OSBPL6: variants seen among roughly 807,000 people sequenced by gnomAD.
OSBPL6 encodes the protein oxysterol-binding protein-related protein 6.
In OSBPL6, 49 loss-of-function variants were observed where a neutral mutation model predicts 125.8. The ratio of observed to expected loss-of-function variants is 0.39; its 90% CI spans 0.31 to 0.49. The LOEUF (loss-of-function observed/expected upper bound fraction) is 0.49, where lower values mean the gene tolerates loss of function less well. Among genes scored for constraint, OSBPL6 ranks in the 20% least tolerant of loss-of-function variants. OSBPL6 has a pLI of 0.88. For missense variants in OSBPL6, 986 were observed against 1,135.4 expected (o/e 0.87, Z 1.89); for synonymous variants, 394 against 391.8 (o/e 1.01, Z -0.07).
At chr2:178,227,647 T>C (rs909312504) in intron 1 of OSBPL6, among the ~76,000 whole-genome samples, 13 of 152,134 alleles carry the variant, frequency 8.5e-5, no homozygotes, top group African/African-American at 2.9e-4. Context: ...AACGGCAACA[T>C]AGATGAATTT....
At chr2:178,240,388 C>T (rs1041099345) in intron 1 of OSBPL6, among the ~76,000 whole-genome samples, 4 of 151,998 alleles carry the variant, frequency 2.6e-5, no homozygotes, top group East Asian at 1.9e-4. Context: ...GCTGACATGG[C>T]GAGACCCCCA....
Position 178,204,040 on chromosome 2 carries a change from T to G in OSBPL6, c.-351+9366T>G, listed in dbSNP as rs531581380. Among the ~76,000 whole-genome samples, 39 of 151,090 alleles carry G rather than the reference T, an allele frequency of 2.6e-4. 1 individual carries two copies. In the East Asian group the frequency reaches 5.0e-3, roughly 19 times the overall value. On this transcript the variant is annotated intron_variant, in intron 1 of 24. Transcript: ENST00000190611. ...TTTTCTTTTTCTTTTTTTTTTTTTT[T>G]TTTGAGACAATCTCACCCTGTTGCC...
At chr2:178,204,086 C>T (rs1448389347) in intron 1 of OSBPL6, among the ~76,000 whole-genome samples, 2 of 148,906 alleles carry the variant, frequency 1.3e-5, no homozygotes, top group East Asian at 2.0e-4. Flanking sequence ...TGCAGTGCCG[C>T]GATCTCTGCC....
intron 1 of OSBPL6, among the ~76,000 whole-genome samples, chr2:178,196,275 C>A (rs1209025987): frequency 6.6e-6 from 1 of 151,986 alleles, no homozygotes; most frequent in Non-Finnish European, 1.5e-5. Context: ...TATTATTATT[C>A]TTTTGCAGTA....
chr2:178,209,768 T>C (rs1574489105), intron 1 of OSBPL6, among the ~76,000 whole-genome samples: 1 of 151,942 alleles, frequency 6.6e-6, no homozygotes, highest in African/African-American at 2.4e-5. Context: ...CTCACTACAG[T>C]AGCAGCATCC....
chr2:178,317,278 G>C (rs560735327), intron 3 of OSBPL6, among the ~76,000 whole-genome samples: 1 of 151,060 alleles, frequency 6.6e-6, no homozygotes, highest in Non-Finnish European at 1.5e-5. Flanking sequence ...AGTTAAATGA[G>C]TATGAAGGAT....
rs376604101 is a variant in OSBPL6, at chr2:178,347,070, AC to A, written c.988-2153del. ...TGTTCAAAATATAAATTTGTAACTT[AC>A]GTTTTTCTTCTCAGCATCTGACTCC... is the stretch of plus-strand genomic sequence containing the variant. On this transcript the variant is annotated intron_variant, in intron 11 of 24. Transcript: ENST00000190611. Among the ~76,000 whole-genome samples the A allele has an allele frequency of 1.5e-3, 222 of 152,298 alleles. 1 individual carries two copies. The highest frequency in any genetic ancestry group is 4.6e-3 in the African/African-American group (193 of 41,544).
intron 5 of OSBPL6, among the ~76,000 whole-genome samples, chr2:178,328,631 G>A (rs1688915214): frequency 6.6e-6 from 1 of 152,112 alleles, no homozygotes; most frequent in South Asian, 2.1e-4. Flanking sequence ...AGGACTACAG[G>A]TGCATGCCAC....
chr2:178,231,638 A>ATTTTTTT (rs71023433), intron 1 of OSBPL6, among the ~76,000 whole-genome samples: 2 of 84,572 alleles, frequency 2.4e-5, no homozygotes, highest in African/African-American at 1.1e-4. Flanking sequence ...GGGTGGTCCC[A>ATTTTTTT]TTTTTTTTTT....
At chr2:178,391,672 C>G (rs1394663811) in intron 22 of OSBPL6, among the ~76,000 whole-genome samples, 1 of 152,204 alleles carries the variant, frequency 6.6e-6, no homozygotes, top group African/African-American at 2.4e-5. Flanking sequence ...CCTCAAGAGA[C>G]AGCAATATGT....
At chr2:178,240,713 A>G (rs891915179) in intron 1 of OSBPL6, among the ~76,000 whole-genome samples, 5 of 152,196 alleles carry the variant, frequency 3.3e-5, no homozygotes, top group African/African-American at 1.2e-4. Flanking sequence ...AGATTGCACC[A>G]CTGCACTGTA....
At chr2:178,311,062 C>T (rs1181133515) in intron 3 of OSBPL6, among the ~76,000 whole-genome samples, 2 of 152,188 alleles carry the variant, frequency 1.3e-5, no homozygotes, top group Non-Finnish European at 2.9e-5. Context: ...CTGCACCAAG[C>T]CCTCCAGTGA....
chr2:178,368,165 G>A (rs1693027001), intron 13 of OSBPL6, among the ~76,000 whole-genome samples: 1 of 152,128 alleles, frequency 6.6e-6, no homozygotes, highest in African/African-American at 2.4e-5. Flanking sequence ...TTTAGGGCAG[G>A]AAATAATAAA....
chr2:178,388,344 A>C (rs1695118413), intron 20 of OSBPL6, among the ~76,000 whole-genome samples: 1 of 152,172 alleles, frequency 6.6e-6, no homozygotes, highest in Non-Finnish European at 1.5e-5. Flanking sequence ...TCTTCAGTGC[A>C]CACTCTGTGG....
chr2:178,291,917 A>G (rs1020208563), intron 2 of OSBPL6, among the ~76,000 whole-genome samples: 3 of 151,996 alleles, frequency 2.0e-5, no homozygotes, highest in Non-Finnish European at 4.4e-5. Context: ...GGAGATCTAG[A>G]CCATTCCCCC....
intron 1 of OSBPL6, among the ~76,000 whole-genome samples, chr2:178,195,027 C>G (rs1037434695): frequency 6.6e-6 from 1 of 152,078 alleles, no homozygotes; most frequent in Non-Finnish European, 1.5e-5. Flanking sequence ...CGCCCCTGCT[C>G]CCCGCAGGCT....
chr2:178,328,456 A>G (rs1337167749), intron 5 of OSBPL6, 78 bp downstream of exon 5: 1 of 1,548,446 alleles, frequency 6.5e-7, no homozygotes, highest in African/African-American at 1.4e-5. Context: ...GGGGTGGGAA[A>G]CTAAGAATAT....
At chr2:178,269,309 G>A (rs2092320571) in intron 1 of OSBPL6, among the ~76,000 whole-genome samples, 2 of 152,062 alleles carry the variant, frequency 1.3e-5, no homozygotes, top group South Asian at 4.1e-4. Context: ...TGTTGTTAAT[G>A]GACATTTGGG....
Position 178,290,439 on chromosome 2 carries a change from T to C in OSBPL6, c.-156+5318T>C, listed in dbSNP as rs79216781. ...AATTGTAGTGGTTTTTTTTTTTTTT[T>C]TTCATTTTGATGCTCAAACAAAACC... On this transcript the variant is annotated intron_variant, in intron 2 of 24. Transcript: ENST00000190611. Among the ~76,000 whole-genome samples the C allele has an allele frequency of 7.6e-3, 1,050 of 137,586 alleles. 16 individuals carry two copies. The highest frequency in any genetic ancestry group is 0.026 in the African/African-American group (1,021 of 39,936). The allele number at this position is 137,586 out of a possible 152,430, so 90.3% of individuals were successfully genotyped here.
Sources: allele counts gnomAD v4.1 joint callset (sites outside exome capture counted in the v4.1 genomes callset), GRCh38; gene constraint gnomAD v4.1.1; transcripts MANE v1.5; gene names NCBI Gene and HGNC (gene_info 2026-07-23, HGNC 2026-07-21).